SLC13A5: variants seen among roughly 807,000 people sequenced by gnomAD.
SLC13A5 encodes the protein solute carrier family 13 member 5, also known as Na(+)/citrate cotransporter.
A neutral mutation model predicts 56.5 loss-of-function variants in SLC13A5; 25 were observed. The observed-to-expected ratio is 0.44, with a 90% CI of 0.32 to 0.62. The LOEUF (loss-of-function observed/expected upper bound fraction) is 0.62, where lower values mean the gene tolerates loss of function less well. Among genes scored for constraint, SLC13A5 ranks in the 20% least tolerant of loss-of-function variants. The pLI is 0.04. For synonymous variants in SLC13A5, 307 were observed against 301.5 expected (o/e 1.02, Z -0.19); for missense variants, 649 against 737.8 (o/e 0.88, Z 1.39).
In SLC13A5 at chr17:6,686,313, A is replaced by G; in HGVS notation, c.1601T>C (p.Ile534Thr). The G allele has an allele frequency of 6.2e-7, 1 of 1,614,046 alleles. No homozygotes were observed. Among genetic ancestry groups the G allele is most frequent in the Non-Finnish European group, 8.5e-7 (1 of 1,179,986 alleles). Reference sequence around the variant, plus strand: ...CAAAAACACACAGAAGACTCCAATTATGTTCATTATGACTCCTGTTTTCAC... The same window carrying G: ...CAAAAACACACAGAAGACTCCAATTGTGTTCATTATGACTCCTGTTTTCAC... ...DMVKTGVIMNIIGVFCVFLAV... is the reference protein window; with the variant it reads ...DMVKTGVIMNTIGVFCVFLAV... Residue 534 changes from isoleucine (I) to threonine (T), a missense_variant, in exon 12 of 12, where the codon ATA becomes ACA. Physicochemically the swap from Ile to Thr is moderately conservative, Grantham distance 89. Transcript: ENST00000433363.
intron 3 of SLC13A5, among the ~76,000 whole-genome samples, chr17:6,705,796 C>G (rs758033121): frequency 1.3e-5 from 2 of 152,184 alleles, no homozygotes; most frequent in Non-Finnish European, 2.9e-5. Flanking sequence ...GACGTGCCAT[C>G]ATTGAGGGGA....
chr17:6,696,835 C>T (rs1314825855), intron 6 of SLC13A5, among the ~76,000 whole-genome samples: 2 of 152,068 alleles, frequency 1.3e-5, no homozygotes, highest in Non-Finnish European at 2.9e-5. Flanking sequence ...GGCCATGAGA[C>T]ATAATCATAG....
At chr17:6,699,186 G>A (rs1973645397) in intron 6 of SLC13A5, among the ~76,000 whole-genome samples, 2 of 152,124 alleles carry the variant, frequency 1.3e-5, no homozygotes, top group African/African-American at 4.8e-5. Flanking sequence ...TATTATTCCT[G>A]TTGCCCCATG....
At chr17:6,696,084 C>T in intron 6 of SLC13A5, 143 bp from the exon 7 acceptor site, 1 of 687,862 alleles carries the variant, frequency 1.5e-6, no homozygotes, top group Non-Finnish European at 2.4e-6. Context: ...TGGAGAAAGG[C>T]CCTTCCTGCC....
intron 5 of SLC13A5, among the ~76,000 whole-genome samples, chr17:6,702,559 C>T (rs926197181): frequency 6.6e-6 from 1 of 152,176 alleles, no homozygotes; most frequent in Non-Finnish European, 1.5e-5. Context: ...GCTGGGGAGT[C>T]TTTTAGAGGT....
chr17:6,688,048 T>A (rs902878537), intron 10 of SLC13A5: 3 of 161,766 alleles, frequency 1.9e-5, no homozygotes, highest in African/African-American at 7.2e-5. Context: ...CTCCCGCATA[T>A]AAATCTGTGG....
In SLC13A5 at chr17:6,707,038, T is replaced by C. The variant is rs1187380199; in HGVS notation, c.221A>G (p.Asp74Gly). The change falls in exon 2 of 12, where the codon GAC becomes GGC. Residue 74 changes from aspartate (D) to glycine (G), a missense_variant. Coordinates refer to ENST00000433363, the MANE Select transcript of SLC13A5 (RefSeq NM_177550.5). ...CTTGGGTCTGCTCACCTGCCTGGAG[T>C]CCAGAATCTGGAAGAGTGGGAAAAG... is the stretch of plus-strand genomic sequence containing the variant. ...VLLFPLFQIL[D>G]SRQVCVQYMK... 3 of 1,613,104 alleles carry C rather than the reference T, an allele frequency of 1.9e-6. No homozygotes were observed. Among genetic ancestry groups the C allele is most frequent in the Non-Finnish European group, 2.5e-6 (3 of 1,179,880 alleles).
In SLC13A5 at chr17:6,685,977, G is replaced by T; in HGVS notation, c.*230C>A. 1 of 583,538 alleles carries T rather than the reference G, an allele frequency of 1.7e-6. No homozygotes were observed. The allele number at this position is 583,538 out of a possible 1,614,324, so 36.1% of individuals were successfully genotyped here. A position where few individuals can be genotyped will look rare whatever the true frequency, so the allele number is the denominator to read the frequency against. On this transcript the variant is annotated 3_prime_UTR_variant, in exon 12 of 12. Transcript: ENST00000433363. This position sits in a 1 kb window ranked among gnomAD's most constrained non-coding sequence, Gnocchi z 4.2. ...GCAAGGCTTGGGAAAGATGGGTCCA[G>T]CAGCCCACTGAGGGGTTCCCTTCAT...
rs1005095780 is a variant in SLC13A5 at position 6,687,400 on chromosome 17, G to A, written c.1575+129C>T. ...ATTATAAATGTCAACAATGGCTACA[G>A]GTCTGGATGTTCCGTGGCATTCCCA... On this transcript the variant is annotated intron_variant, in intron 11 of 11. Coordinates refer to ENST00000433363, the MANE Select transcript of SLC13A5 (RefSeq NM_177550.5). The surrounding 1 kb of genome is among the most constrained non-coding windows in gnomAD (Gnocchi z 5.0). The A allele has an allele frequency of 1.6e-6, 2 of 1,255,484 alleles. No individual in the cohort carries two copies. Among genetic ancestry groups the A allele is most frequent in the Non-Finnish European group, 2.3e-6 (2 of 876,692 alleles). The allele number at this position is 1,255,484 out of a possible 1,614,324, so 77.8% of individuals were successfully genotyped here.
rs906415620 is a variant in SLC13A5 at position 6,709,267 on chromosome 17, A to G, written c.103-2111T>C. Among the ~76,000 whole-genome samples the G allele has an allele frequency of 4.6e-5, 7 of 151,096 alleles. No homozygotes were observed. The East Asian group carries it at 9.7e-4, about 21-fold the overall frequency. On this transcript the variant is annotated intron_variant, in intron 1 of 11. Coordinates refer to ENST00000433363, the MANE Select transcript of SLC13A5 (RefSeq NM_177550.5). ...TGCTTATTTATTTATTTATTTATTT[A>G]TTTACTTACTTACTTATTTTTGAGA...
rs78997351 is a variant in SLC13A5 at position 6,687,413 on chromosome 17, C to T, written c.1575+116G>A. 5.0e-5 allele frequency: 71 copies of T among 1,406,874 alleles called. No individual in the cohort carries two copies. The East Asian group carries it at 7.6e-4, about 15-fold the overall frequency. 87.1% of individuals were successfully genotyped at this position (1,406,874 alleles called of 1,614,324 possible). A position where few individuals can be genotyped will look rare whatever the true frequency, so the allele number is the denominator to read the frequency against. Reference sequence around the variant, plus strand: ...ACAATGGCTACAGGTCTGGATGTTCCGTGGCATTCCCAAGTCACATGACAT... The same window carrying T: ...ACAATGGCTACAGGTCTGGATGTTCTGTGGCATTCCCAAGTCACATGACAT... On this transcript the variant is annotated intron_variant, in intron 11 of 11. Coordinates refer to ENST00000433363, the MANE Select transcript of SLC13A5 (RefSeq NM_177550.5). This position sits in a 1 kb window ranked among gnomAD's most constrained non-coding sequence, Gnocchi z 5.0.
Position 6,699,124 on chromosome 17 carries a change from G to A in SLC13A5, c.839+1880C>T, listed in dbSNP as rs534592798. Among the ~76,000 whole-genome samples the A allele has an allele frequency of 1.6e-3, 243 of 151,240 alleles. 1 individual carries two copies. The highest frequency in any genetic ancestry group is 4.3e-3 in the African/African-American group (178 of 41,248). On this transcript the variant is annotated intron_variant, in intron 6 of 11. Coordinates refer to ENST00000433363, the MANE Select transcript of SLC13A5 (RefSeq NM_177550.5). The stretch of plus-strand genomic sequence containing the variant: ...AAAATAAAATAAAGAAAGGAAAAGA[G>A]CGCTCGAAATCATGTCTGGCACATG...
chr17:6,709,822 G>A (rs1019318387), intron 1 of SLC13A5, among the ~76,000 whole-genome samples: 4 of 152,160 alleles, frequency 2.6e-5, no homozygotes, highest in African/African-American at 7.2e-5. Context: ...GGGAGGCAGG[G>A]TCCCTCAGCC....
intron 1 of SLC13A5, 120 bp from the exon 2 acceptor site, chr17:6,707,276 C>T (rs1483773233): frequency 1.1e-5 from 15 of 1,319,764 alleles, no homozygotes; most frequent in Non-Finnish European, 1.2e-5. Context: ...GAGGGATTCC[C>T]CTCAAAGTCA....
At chr17:6,704,362 C>T (rs1273187041) in intron 3 of SLC13A5, 15 of 503,750 alleles carry the variant, frequency 3.0e-5, no homozygotes, top group Admixed American at 2.1e-4. Flanking sequence ...AGCACCCCTG[C>T]CCCACCATCT....
At position 6,711,502 on chromosome 17, in the gene SLC13A5, GTGTGTA is replaced by G. The variant is rs1459273841; in HGVS notation, c.102+1724_102+1729del. 2.4e-5 allele frequency among the ~76,000 whole-genome samples: 3 copies of G among 126,322 alleles called. No homozygotes were observed. The highest frequency in any genetic ancestry group is 2.1e-4 in the South Asian group (1 of 4,788). The allele number at this position is 126,322 out of a possible 152,430, so 82.9% of individuals were successfully genotyped here. A position where few individuals can be genotyped will look rare whatever the true frequency, so the allele number is the denominator to read the frequency against. On this transcript the variant is annotated intron_variant, in intron 1 of 11. Coordinates refer to ENST00000433363, the MANE Select transcript of SLC13A5 (RefSeq NM_177550.5). This position sits in a 1 kb window ranked among gnomAD's most constrained non-coding sequence, Gnocchi z 4.0. ...CAGTTCAGGGTGTGTGTGTGTGTGT[GTGTGTA>G]TGTGTATGTGTGTGTTTGTGTTTTT...
chr17:6,712,635 T>A (rs1974071039), intron 1 of SLC13A5, among the ~76,000 whole-genome samples: 1 of 152,182 alleles, frequency 6.6e-6, no homozygotes, highest in African/African-American at 2.4e-5. Flanking sequence ...GAATCAGATG[T>A]GGCTCTCCAG....
intron 4 of SLC13A5, 131 bp from the exon 5 acceptor site, chr17:6,703,269 C>A: frequency 2.7e-6 from 3 of 1,131,064 alleles, no homozygotes; most frequent in Middle Eastern, 4.1e-4. Context: ...CCACTGGGCT[C>A]CATAAGAGTT....
In SLC13A5 at chr17:6,702,991, A is replaced by G. The variant is rs749718065; in HGVS notation, c.695T>C (p.Val232Ala). ...TCACTCGTTCATCTGGCCCAGGAGC[A>G]CCACGTTGGGTCCCGTCCCGGTCAG... ...ATLTGTGPNVVLLGQMNELFP... is the reference protein window; with the variant it reads ...ATLTGTGPNVALLGQMNELFP... The change falls in exon 5 of 12, where the codon GTG becomes GCG. Residue 232 changes from valine (V) to alanine (A), a missense_variant. Physicochemically the swap from Val to Ala is moderately conservative, Grantham distance 64. Transcript: ENST00000433363. 1 of 1,614,186 alleles carries G rather than the reference A, an allele frequency of 6.2e-7. No individual in the cohort carries two copies. The highest frequency in any genetic ancestry group is 1.1e-5 in the South Asian group (1 of 91,080).
Sources: allele counts gnomAD v4.1 joint callset (sites outside exome capture counted in the v4.1 genomes callset), GRCh38; gene constraint gnomAD v4.1.1; non-coding constraint Gnocchi (gnomAD v3.1); transcripts MANE v1.5; gene names NCBI Gene and HGNC (gene_info 2026-07-23, HGNC 2026-07-21).